The following RBFOX1 variants were observed in gnomAD, a reference collection of about 807,000 sequenced individuals.
RBFOX1 encodes the protein RNA binding protein fox-1 homolog 1.
RBFOX1 carries 8 observed loss-of-function variants against 57.7 expected under a neutral mutation model. That is an observed-to-expected ratio of 0.14 (90% CI 0.08 to 0.25). RBFOX1 has a LOEUF of 0.25. RBFOX1 is among the 10% of genes least tolerant of loss of function. The pLI, the probability that RBFOX1 is intolerant of heterozygous loss-of-function variation, is 1.00. For synonymous variants in RBFOX1, 326 were observed against 222.4 expected (o/e 1.47, Z -4.15); for missense variants, 611 against 548.5 (o/e 1.11, Z -1.14).
chr16:6,526,566 C>G (rs1021454508), intron 2 of RBFOX1, among the ~76,000 whole-genome samples: 4 of 152,072 alleles, frequency 2.6e-5, no homozygotes, highest in African/African-American at 9.7e-5. Context: ...CACAGTGGCT[C>G]ATGCCTGTAA....
At chr16:5,574,819 G>C (rs190987492) in intron 2 of RBFOX1, among the ~76,000 whole-genome samples, 1 of 152,296 alleles carries the variant, frequency 6.6e-6, no homozygotes, top group Non-Finnish European at 1.5e-5. Context: ...GCATTATTTT[G>C]TTGTCTCATT....
chr16:5,384,493 T>G (rs369798936), intron 1 of RBFOX1, among the ~76,000 whole-genome samples: 1 of 152,098 alleles, frequency 6.6e-6, no homozygotes, highest in African/African-American at 2.4e-5. Context: ...GAAGGGTGCA[T>G]AGGAGTTTAC....
At chr16:6,843,361 C>A (rs1277819270) in intron 3 of RBFOX1, among the ~76,000 whole-genome samples, 5 of 151,934 alleles carry the variant, frequency 3.3e-5, no homozygotes, top group African/African-American at 1.2e-4. Context: ...AAAAAAATTC[C>A]TTACTTTTTG....
chr16:5,404,210 G>C (rs2066799736), intron 1 of RBFOX1, among the ~76,000 whole-genome samples: 1 of 152,102 alleles, frequency 6.6e-6, no homozygotes, highest in Non-Finnish European at 1.5e-5. Flanking sequence ...CCTTATTTAG[G>C]TGATGAGTGC....
intron 4 of RBFOX1, among the ~76,000 whole-genome samples, chr16:7,162,253 T>C (rs1310917300): frequency 2.0e-5 from 3 of 152,186 alleles, no homozygotes; most frequent in Non-Finnish European, 4.4e-5. Flanking sequence ...TCATCCATCA[T>C]CTACTTATAT....
intron 3 of RBFOX1, among the ~76,000 whole-genome samples, chr16:6,823,854 G>A (rs1001513549): frequency 2.0e-5 from 3 of 152,128 alleles, no homozygotes; most frequent in African/African-American, 7.2e-5. Context: ...AGGGCTCTGT[G>A]CTGTGGGCTG....
At position 5,679,186 on chromosome 16, in the gene RBFOX1, C is replaced by G. The variant is rs192121470; in HGVS notation, c.318+80225C>G. ...GCAAGGCTATTGAAAGTACTGTGAT[C>G]TTTTCTGCAAGGGCGCATCTTCATT... On this transcript the variant is annotated intron_variant, in intron 3 of 19. Coordinates refer to the RBFOX1 transcript ENST00000641259. Among the ~76,000 whole-genome samples the G allele has an allele frequency of 5.9e-5, 9 of 152,310 alleles. No individual in the cohort carries two copies. The East Asian group carries it at 1.7e-3, about 29-fold the overall frequency.
At chr16:6,018,209 G>GAAGGAAGGGAGGGAGA (rs1216580440), upstream of RBFOX1, among the ~76,000 whole-genome samples, 235 of 151,974 alleles carry the variant, frequency 1.5e-3, no homozygotes, top group African/African-American at 5.5e-3. Context: ...AGGGAGGGAG[G>GAAGGAAGGGAGGGAGA]AAGGAAGGGA....
At chr16:6,689,897 G>A (rs957755591) in intron 3 of RBFOX1, among the ~76,000 whole-genome samples, 3 of 152,342 alleles carry the variant, frequency 2.0e-5, no homozygotes, top group Middle Eastern at 6.8e-3. Flanking sequence ...ATGCTTGTGA[G>A]TGTGTGCTTG....
At chr16:6,745,582 T>C (rs2073393843) in intron 3 of RBFOX1, among the ~76,000 whole-genome samples, 1 of 152,220 alleles carries the variant, frequency 6.6e-6, no homozygotes, top group South Asian at 2.1e-4. Flanking sequence ...AAAAGGCATT[T>C]GACAAAATCC....
At chr16:5,994,226 A>G (rs1284467242) in intron 4 of RBFOX1, among the ~76,000 whole-genome samples, 3 of 152,164 alleles carry the variant, frequency 2.0e-5, no homozygotes, top group South Asian at 2.1e-4. Context: ...CAGTGGTGCA[A>G]TCTTGGCTCA....
chr16:7,138,372 G>A (rs1289760878), intron 4 of RBFOX1, among the ~76,000 whole-genome samples: 2 of 152,084 alleles, frequency 1.3e-5, no homozygotes, highest in Non-Finnish European at 2.9e-5. Context: ...CTTGGCTTTG[G>A]CACTATGTCA....
chr16:5,728,784 C>G (rs543485064), intron 3 of RBFOX1, among the ~76,000 whole-genome samples: 39 of 152,260 alleles, frequency 2.6e-4, no homozygotes, highest in African/African-American at 8.7e-4. Flanking sequence ...GAGCTACTCG[C>G]CACTGTGTTC....
At chr16:5,529,341 A>C (rs914966779) in intron 2 of RBFOX1, among the ~76,000 whole-genome samples, 1 of 150,854 alleles carries the variant, frequency 6.6e-6, no homozygotes, top group African/African-American at 2.4e-5. Context: ...ATTAGTTAAG[A>C]TGATGTCATA....
intron 4 of RBFOX1, among the ~76,000 whole-genome samples, chr16:7,354,173 A>G (rs2097175055): frequency 6.6e-6 from 1 of 151,914 alleles, no homozygotes; most frequent in African/African-American, 2.4e-5. Context: ...GTTTCATCAC[A>G]TTGGTCAGAC....
chr16:6,522,070 C>T (rs111496923), intron 2 of RBFOX1, among the ~76,000 whole-genome samples: 4,234 of 151,994 alleles, frequency 0.028, 151 homozygotes, highest in African/African-American at 0.086. Flanking sequence ...AACGTCCTTG[C>T]ATCTAGAAAA....
chr16:6,788,114 G>C (rs7187007), intron 3 of RBFOX1, among the ~76,000 whole-genome samples: 31,630 of 152,020 alleles, frequency 0.21, 3,869 homozygotes, highest in East Asian at 0.37. Flanking sequence ...CCTAGCTACT[G>C]GGAAGGCTGA....
chr16:6,311,967 G>T (rs1014256159), intron 1 of RBFOX1, among the ~76,000 whole-genome samples: 2 of 152,122 alleles, frequency 1.3e-5, no homozygotes, highest in Non-Finnish European at 2.9e-5. Context: ...ACAGTTAAAC[G>T]CCAGACACCT....
At chr16:7,132,983 C>A (rs528275769) in intron 4 of RBFOX1, among the ~76,000 whole-genome samples, 1 of 152,158 alleles carries the variant, frequency 6.6e-6, no homozygotes, top group African/African-American at 2.4e-5. Context: ...GAAAACAAAC[C>A]GTTATACCAG....
Sources: allele counts gnomAD v4.1 joint callset (sites outside exome capture counted in the v4.1 genomes callset), GRCh38; gene constraint gnomAD v4.1.1; transcripts MANE v1.5; gene names NCBI Gene and HGNC (gene_info 2026-07-23, HGNC 2026-07-21).